Variants in KIAA1217 observed in about 807,000 individuals in gnomAD.
KIAA1217 encodes sickle tail protein homolog.
Under a neutral mutation model 163.9 loss-of-function variants are expected in KIAA1217, and 88 were observed. That is an observed-to-expected ratio of 0.54 (90% CI 0.45 to 0.64). The LOEUF is 0.64. KIAA1217 is among the 30% of genes least tolerant of loss of function. The pLI is 0.00. For synonymous variants in KIAA1217, 903 were observed against 923.1 expected (o/e 0.98, Z 0.39); for missense variants, 2,372 against 2,475.0 (o/e 0.96, Z 0.88).
chr10:23,874,269 CAT>C (rs1840587283), intron 1 of KIAA1217, among the ~76,000 whole-genome samples: 1 of 151,904 alleles, frequency 6.6e-6, no homozygotes, highest in African/African-American at 2.4e-5. Context: ...TCTTGAATAC[CAT>C]ATGTTTTATA....
chr10:24,535,282 A>G (rs1473312346), intron 16 of KIAA1217, among the ~76,000 whole-genome samples: 4 of 152,218 alleles, frequency 2.6e-5, no homozygotes, highest in African/African-American at 9.6e-5. Flanking sequence ...CAGGTACAGC[A>G]GAGACAGGGG....
chr10:24,034,944 GC>G (rs1425346272), intron 2 of KIAA1217, among the ~76,000 whole-genome samples: 1 of 152,194 alleles, frequency 6.6e-6, no homozygotes, highest in Non-Finnish European at 1.5e-5. Flanking sequence ...CAAGTGCAGT[GC>G]ATTTTGGGGT....
At chr10:23,796,435 C>A (rs1459027493) in intron 1 of KIAA1217, among the ~76,000 whole-genome samples, 1 of 152,112 alleles carries the variant, frequency 6.6e-6, no homozygotes, top group Non-Finnish European at 1.5e-5. Flanking sequence ...ATGACCTCGG[C>A]TCACTGCAAC....
intron 1 of KIAA1217, among the ~76,000 whole-genome samples, chr10:23,994,819 G>GTTA (rs1401584704): frequency 6.6e-6 from 1 of 152,160 alleles, no homozygotes; most frequent in African/African-American, 2.4e-5. Flanking sequence ...TGGAAGCATT[G>GTTA]TTAAGCGTAG....
intron 2 of KIAA1217, among the ~76,000 whole-genome samples, chr10:24,178,686 T>A (rs2066023128): frequency 6.6e-6 from 1 of 152,244 alleles, no homozygotes; most frequent in Admixed American, 6.5e-5. Context: ...AGATTTCAGT[T>A]GTTCCATTTC....
intron 6 of KIAA1217, 50 bp from the exon 7 acceptor site, chr10:24,494,450 C>G: frequency 6.7e-7 from 1 of 1,491,568 alleles, no homozygotes; most frequent in South Asian, 1.1e-5. Flanking sequence ...CCCGGACAAA[C>G]TGGTTTGAAA....
intron 1 of KIAA1217, among the ~76,000 whole-genome samples, chr10:23,767,725 G>A (rs1834605653): frequency 6.6e-6 from 1 of 152,156 alleles, no homozygotes; most frequent in African/African-American, 2.4e-5. Context: ...CATTTGCATG[G>A]GGGCAGGGTT....
chr10:24,350,411 TTG>T (rs1272377712), intron 2 of KIAA1217, among the ~76,000 whole-genome samples: 3 of 152,156 alleles, frequency 2.0e-5, no homozygotes, highest in Non-Finnish European at 4.4e-5. Flanking sequence ...ATGACTTCGA[TTG>T]TGTGTTAAGA....
At chr10:24,264,795 C>T (rs2076064305) in intron 2 of KIAA1217, among the ~76,000 whole-genome samples, 1 of 149,702 alleles carries the variant, frequency 6.7e-6, no homozygotes, top group African/African-American at 2.5e-5. Flanking sequence ...CTCTCTCTCT[C>T]TCTCTCTCAT....
intron 1 of KIAA1217, among the ~76,000 whole-genome samples, chr10:23,701,590 A>C (rs1472555041): frequency 2.6e-5 from 4 of 152,238 alleles, no homozygotes; most frequent in African/African-American, 7.2e-5. Flanking sequence ...CGTATCAATT[A>C]ACCAATGAAG....
At chr10:24,494,341 A>G (rs942486219) in intron 6 of KIAA1217, among the ~76,000 whole-genome samples, 159 bp from the exon 7 acceptor site, 1 of 151,936 alleles carries the variant, frequency 6.6e-6, no homozygotes, top group African/African-American at 2.4e-5. Flanking sequence ...TCTTGACCTG[A>G]GCTAAGGATG....
intron 1 of KIAA1217, among the ~76,000 whole-genome samples, chr10:23,962,004 A>G (rs1450532342): frequency 1.3e-5 from 2 of 152,190 alleles, no homozygotes; most frequent in East Asian, 1.9e-4. Context: ...GATTACCTCT[A>G]TAAAGACCCT....
chr10:23,895,490 A>G (rs547523437), intron 1 of KIAA1217, among the ~76,000 whole-genome samples: 1 of 152,122 alleles, frequency 6.6e-6, no homozygotes, highest in Non-Finnish European at 1.5e-5. Flanking sequence ...AAGTCAGGAA[A>G]CAACAGGTAC....
chr10:23,767,861 C>G (rs1171134492), intron 1 of KIAA1217, among the ~76,000 whole-genome samples: 2 of 152,148 alleles, frequency 1.3e-5, no homozygotes, highest in Admixed American at 1.3e-4. Flanking sequence ...CATGCAAACC[C>G]AGAGCGTAGG....
chr10:23,998,609 C>G (rs2131457912), intron 1 of KIAA1217, among the ~76,000 whole-genome samples: 2 of 152,332 alleles, frequency 1.3e-5, no homozygotes, highest in South Asian at 4.1e-4. Flanking sequence ...ATCTTTCTAC[C>G]ATGTTTGATA....
intron 1 of KIAA1217, among the ~76,000 whole-genome samples, chr10:23,981,771 G>T (rs1372079148): frequency 6.6e-6 from 1 of 151,994 alleles, no homozygotes; most frequent in Non-Finnish European, 1.5e-5. Context: ...AACTGTGCTT[G>T]GGCCTCCACT....
At chr10:24,330,180 A>G (rs1275684905) in intron 2 of KIAA1217, among the ~76,000 whole-genome samples, 1 of 151,848 alleles carries the variant, frequency 6.6e-6, no homozygotes, top group Non-Finnish European at 1.5e-5. Context: ...TGCACCTGTA[A>G]TCCCAGCTAC....
chr10:24,009,524 A>G (rs1554839937), intron 2 of KIAA1217, among the ~76,000 whole-genome samples: 1 of 152,226 alleles, frequency 6.6e-6, no homozygotes, highest in Non-Finnish European at 1.5e-5. Flanking sequence ...TCACAATGCT[A>G]CAAAACAATA....
At chr10:23,801,411 C>A (rs1588848169) in intron 1 of KIAA1217, among the ~76,000 whole-genome samples, 1 of 152,126 alleles carries the variant, frequency 6.6e-6, no homozygotes, top group Non-Finnish European at 1.5e-5. Flanking sequence ...ACCACCATGG[C>A]ACGTGTATAC....
Sources: allele counts gnomAD v4.1 joint callset (sites outside exome capture counted in the v4.1 genomes callset), GRCh38; gene constraint gnomAD v4.1.1; transcripts MANE v1.5; gene names NCBI Gene and HGNC (gene_info 2026-07-23, HGNC 2026-07-21).